The following NUP155 variants were observed in gnomAD, a reference collection of about 807,000 sequenced individuals.
The protein encoded by NUP155 is nuclear pore complex protein Nup155.
A neutral mutation model predicts 180.4 loss-of-function variants in NUP155; 71 were observed. The observed-to-expected ratio is 0.39, with a 90% CI of 0.33 to 0.48. NUP155 has a LOEUF of 0.48. Ranked by LOEUF, NUP155 falls within the 20% of genes least tolerant of loss-of-function variation. The pLI is 0.91. For missense variants in NUP155, 1,553 were observed against 1,648.9 expected, an observed-to-expected ratio of 0.94 and a Z score of 1.01; for synonymous variants, 582 against 559.5, an observed-to-expected ratio of 1.04 and a Z score of -0.57.
At chr5:37,312,860 T>C (rs925852819) in intron 22 of NUP155, among the ~76,000 whole-genome samples, 1 of 152,108 alleles carries the variant, frequency 6.6e-6, no homozygotes, top group Non-Finnish European at 1.5e-5. Flanking sequence ...CATGACATTG[T>C]TGTTGTTCAA....
chr5:37,319,623 T>C (rs1744115890), intron 20 of NUP155, among the ~76,000 whole-genome samples: 2 of 152,186 alleles, frequency 1.3e-5, no homozygotes. Flanking sequence ...CCCAGCATTT[T>C]TTGAGGCCAA....
At chr5:37,318,748 C>T (rs1418582758) in intron 20 of NUP155, among the ~76,000 whole-genome samples, 1 of 152,054 alleles carries the variant, frequency 6.6e-6, no homozygotes, top group Non-Finnish European at 1.5e-5. Context: ...AAAGCCAAGA[C>T]GTTCATTCTT....
In NUP155 at chr5:37,348,575, C is replaced by A; in HGVS notation, c.925G>T (p.Gly309Ter). 1 of 1,609,598 alleles carries A rather than the reference C, an allele frequency of 6.2e-7. No individual in the cohort carries two copies. Among genetic ancestry groups the A allele is most frequent in the Non-Finnish European group, 8.5e-7 (1 of 1,175,882 alleles). ...VIQVYDLGQD[G>*]QGMSRVASVS... is the part of the protein sequence containing the mutation. ...GAGGCAACTCTGCTCATTCCTTGTC[C>A]ATCTTGTCCCAAATCATACACCTGT... Residue 309 changes from glycine (G) to a stop codon, truncating the protein, a stop_gained, in exon 9 of 35, where the codon GGA (glycine) becomes TGA (stop). Coordinates refer to ENST00000231498, the MANE Select transcript of NUP155 (RefSeq NM_153485.3). LOFTEE classifies it high-confidence loss of function.
Position 37,324,107 on chromosome 5 carries a change from T to A in NUP155, c.2092A>T (p.Ile698Phe). The A allele has an allele frequency of 6.3e-7, 1 of 1,598,242 alleles. No homozygotes were observed. Among genetic ancestry groups the A allele is most frequent in the Non-Finnish European group, 8.6e-7 (1 of 1,165,750 alleles). ...FKSGNREITA[I>F]ESSVPCQLLE... ...AGTTGGCAGGGAACACTACTTTCAA[T>A]CTGTAAAAATGAAAGATTTTTCAAA... The change falls in exon 20 of 35, where the codon ATT (isoleucine) becomes TTT (phenylalanine). Residue 698 changes from isoleucine (I) to phenylalanine (F), a missense_variant and splice_region_variant. Transcript: ENST00000231498.
chr5:37,364,319 C>T lies in NUP155; in HGVS notation c.223G>A (p.Val75Ile), dbSNP rs758218714. The change falls in exon 2 of 35, where the codon GTA becomes ATA. Residue 75 changes from valine (V) to isoleucine (I), a missense_variant. Physicochemically the swap from Val to Ile is conservative, Grantham distance 29. Coordinates refer to ENST00000231498, the MANE Select transcript of NUP155 (RefSeq NM_153485.3). ...YPLQGPGLLS[V>I]PNLPEISSIR... ...GAACTGATCTCTGGAAGGTTGGGTA[C>T]GGACAGCAAACCAGGTCCTTGCAAA... 31 of 1,610,168 alleles carry T rather than the reference C, an allele frequency of 1.9e-5. No individual in the cohort carries two copies. Among genetic ancestry groups the T allele is most frequent in the Admixed American group, 1.8e-4 (11 of 59,986 alleles).
At chr5:37,320,623 A>G (rs577969038) in intron 20 of NUP155, among the ~76,000 whole-genome samples, 4 of 152,370 alleles carry the variant, frequency 2.6e-5, no homozygotes, top group African/African-American at 9.6e-5. Flanking sequence ...AAGAAACATC[A>G]ATGAAAAAAA....
At chr5:37,362,938 A>G (rs1044158225) in intron 3 of NUP155, among the ~76,000 whole-genome samples, 1 of 152,076 alleles carries the variant, frequency 6.6e-6, no homozygotes, top group African/African-American at 2.4e-5. Flanking sequence ...TCTGAGATGG[A>G]GTCTCGCTCT....
intron 18 of NUP155, chr5:37,327,116 C>T (rs1744648390): frequency 5.8e-6 from 1 of 172,574 alleles, no homozygotes; most frequent in African/African-American, 2.4e-5. Context: ...TAGTGTATAA[C>T]ACATATAACA....
chr5:37,312,199 A>G (rs1375635695), intron 22 of NUP155, among the ~76,000 whole-genome samples: 10 of 152,196 alleles, frequency 6.6e-5, no homozygotes, highest in African/African-American at 2.2e-4. Flanking sequence ...TAACTAAAAG[A>G]AGGACAACGA....
chr5:37,360,786 AGG>A (rs751344090), intron 3 of NUP155, among the ~76,000 whole-genome samples: 2 of 131,706 alleles, frequency 1.5e-5, no homozygotes, highest in Non-Finnish European at 3.3e-5. Context: ...ATAAAAAAAA[AGG>A]GGGGGGGGTC....
intron 1 of NUP155, among the ~76,000 whole-genome samples, chr5:37,367,034 G>T (rs563712605): frequency 6.6e-6 from 1 of 150,504 alleles, no homozygotes; most frequent in South Asian, 2.1e-4. Flanking sequence ...GCACCCGGCC[G>T]AACTCTTTTT....
chr5:37,320,153 C>T (rs1398152319), intron 20 of NUP155, among the ~76,000 whole-genome samples: 1 of 150,652 alleles, frequency 6.6e-6, no homozygotes, highest in African/African-American at 2.4e-5. Context: ...AGCAAGATTG[C>T]CTAAAAAAGA....
At chr5:37,338,432 G>A (rs183960213) in intron 11 of NUP155, among the ~76,000 whole-genome samples, 109 of 140,998 alleles carry the variant, frequency 7.7e-4, no homozygotes, top group Admixed American at 3.1e-3. Flanking sequence ...TTTTTGAGAC[G>A]GAGTCTCGCT....
intron 12 of NUP155, among the ~76,000 whole-genome samples, chr5:37,337,248 T>C (rs1745389271): frequency 2.0e-5 from 3 of 152,126 alleles, no homozygotes; most frequent in Non-Finnish European, 4.4e-5. Flanking sequence ...ATCAAAACTG[T>C]GTGTTTGTGG....
At chr5:37,300,814 C>T (rs1742821638) in intron 30 of NUP155, among the ~76,000 whole-genome samples, 1 of 150,806 alleles carries the variant, frequency 6.6e-6, no homozygotes, top group Non-Finnish European at 1.5e-5. Context: ...CACCACCACA[C>T]CTGGCTAATT....
At chr5:37,314,464 T>C (rs914219582) in intron 21 of NUP155, 136 bp from the exon 22 acceptor site, 36 of 667,958 alleles carry the variant, frequency 5.4e-5, no homozygotes, top group Non-Finnish European at 9.1e-5. Flanking sequence ...TGATAATCAG[T>C]AGTATTTATG....
At chr5:37,297,898 C>A (rs1166109261) in intron 32 of NUP155, among the ~76,000 whole-genome samples, 2 of 145,376 alleles carry the variant, frequency 1.4e-5, no homozygotes, top group African/African-American at 2.5e-5. Context: ...GACCCTAAGT[C>A]AGAGATGGTC....
intron 9 of NUP155, among the ~76,000 whole-genome samples, chr5:37,345,238 G>A (rs943033974): frequency 2.0e-5 from 3 of 151,724 alleles, no homozygotes; most frequent in Non-Finnish European, 2.9e-5. Flanking sequence ...CATGTCGGTG[G>A]CTCATGCCTG....
chr5:37,334,372 A>C (rs574769326), intron 12 of NUP155, among the ~76,000 whole-genome samples: 4 of 149,282 alleles, frequency 2.7e-5, no homozygotes, highest in Admixed American at 6.6e-5. Context: ...CAAAGTGCTA[A>C]TCAGGCATTA....
Sources: allele counts gnomAD v4.1 joint callset (sites outside exome capture counted in the v4.1 genomes callset), GRCh38; gene constraint gnomAD v4.1.1; transcripts MANE v1.5; gene names NCBI Gene and HGNC (gene_info 2026-07-23, HGNC 2026-07-21).